The following SLC24A2 variants were observed in gnomAD, a reference collection of about 807,000 sequenced individuals.
SLC24A2 encodes sodium/potassium/calcium exchanger 2.
In SLC24A2, 36 loss-of-function variants were observed where a neutral mutation model predicts 62.0. The ratio of observed to expected loss-of-function variants is 0.58; its 90% CI spans 0.44 to 0.77. SLC24A2 has a LOEUF of 0.77. Among genes scored for constraint, SLC24A2 ranks in the 30% least tolerant of loss-of-function variants. The probability of loss-of-function intolerance (pLI) is 0.00; values close to 1 mark genes in which losing one functional copy is unlikely to be tolerated. For missense variants in SLC24A2, 846 were observed against 817.9 expected (o/e 1.03, Z -0.42); for synonymous variants, 358 against 294.0 (o/e 1.22, Z -2.23).
the SLC24A2 span, among the ~76,000 whole-genome samples, chr9:19,901,459 C>T: frequency 1.3e-5 from 2 of 152,046 alleles, no homozygotes; most frequent in Admixed American, 1.3e-4. Context: ...TTGGCAAAGA[C>T]CAGAAGACAG....
the SLC24A2 span, among the ~76,000 whole-genome samples, chr9:20,237,387 T>C: frequency 2.2e-4 from 34 of 152,208 alleles, no homozygotes; most frequent in Non-Finnish European, 4.3e-4. Context: ...CATGATTACT[T>C]AGCCAGAAGA....
the SLC24A2 span, among the ~76,000 whole-genome samples, chr9:20,163,421 C>A: frequency 6.6e-6 from 1 of 152,066 alleles, no homozygotes; most frequent in African/African-American, 2.4e-5. Flanking sequence ...ATCCAACTTA[C>A]AAGGGACGTG....
intron 8 of SLC24A2, among the ~76,000 whole-genome samples, chr9:19,535,567 A>G (rs1833923249): frequency 6.6e-6 from 1 of 152,202 alleles, no homozygotes; most frequent in Non-Finnish European, 1.5e-5. Flanking sequence ...AGTTTTCTGC[A>G]TGTGACTAGC....
intron 2 of SLC24A2, among the ~76,000 whole-genome samples, chr9:19,773,156 C>A (rs1304358307): frequency 1.3e-5 from 2 of 152,092 alleles, no homozygotes; most frequent in Non-Finnish European, 2.9e-5. Context: ...GGGGGCTGGG[C>A]AGAGGGAGGA....
chr9:19,793,643 T>C (rs191885536), upstream of SLC24A2, among the ~76,000 whole-genome samples: 41 of 152,352 alleles, frequency 2.7e-4, no homozygotes, highest in African/African-American at 9.9e-4. Flanking sequence ...TATCCACAGA[T>C]GAAGAAACTG....
Position 19,515,957 on chromosome 9 carries a change from T to C in SLC24A2, c.*196A>G, listed in dbSNP as rs1832904837. The C allele has an allele frequency of 2.9e-6, 2 of 685,640 alleles. No homozygotes were observed. The highest frequency in any genetic ancestry group is 4.5e-5 in the Admixed American group (2 of 44,270). The allele number at this position is 685,640 out of a possible 1,614,324, so 42.5% of individuals were successfully genotyped here. A position where few individuals can be genotyped will look rare whatever the true frequency, so the allele number is the denominator to read the frequency against. On this transcript the variant is annotated 3_prime_UTR_variant, in exon 11 of 11. Coordinates refer to ENST00000341998, the MANE Select transcript of SLC24A2 (RefSeq NM_020344.4). ...CTCTTTGTCTTTTACATGAAGTCAT[T>C]TCAGTAGGCAGGGTGGAAGCAGCCT...
chr9:19,765,739 C>T (rs1330339560), intron 2 of SLC24A2, among the ~76,000 whole-genome samples: 1 of 152,164 alleles, frequency 6.6e-6, no homozygotes, highest in African/African-American at 2.4e-5. Context: ...TTTTTTCCTT[C>T]ATTTCAATTT....
the SLC24A2 span, among the ~76,000 whole-genome samples, chr9:20,297,722 C>A: frequency 6.6e-6 from 1 of 152,190 alleles, no homozygotes; most frequent in Non-Finnish European, 1.5e-5. Context: ...CTTGAGGAGG[C>A]TGAGCACAGT....
chr9:19,948,643 G>C, the SLC24A2 span, among the ~76,000 whole-genome samples: 53 of 151,794 alleles, frequency 3.5e-4, no homozygotes, highest in African/African-American at 1.3e-3. Context: ...GGATCACGAG[G>C]TCAGGAGATC....
chr9:20,151,830 G>C, the SLC24A2 span, among the ~76,000 whole-genome samples: 2 of 151,418 alleles, frequency 1.3e-5, no homozygotes, highest in Non-Finnish European at 2.9e-5. Context: ...TCCCCTACTA[G>C]ATCCCCCAAA....
the SLC24A2 span, among the ~76,000 whole-genome samples, chr9:20,039,819 A>T: frequency 2.0e-5 from 3 of 152,202 alleles, no homozygotes; most frequent in Admixed American, 2.0e-4. Flanking sequence ...TAGGGAAGAG[A>T]TAGCAAGGAC....
At chr9:20,206,653 TG>T in the SLC24A2 span, among the ~76,000 whole-genome samples, 2 of 152,102 alleles carry the variant, frequency 1.3e-5, no homozygotes, top group East Asian at 3.8e-4. Flanking sequence ...AGCTAATTTT[TG>T]TATTTTTAGT....
chr9:20,139,126 G>GT, the SLC24A2 span, among the ~76,000 whole-genome samples: 7 of 152,220 alleles, frequency 4.6e-5, no homozygotes, highest in South Asian at 2.1e-4. Context: ...ATCTTTTTGG[G>GT]TTTTTTTGCC....
the SLC24A2 span, among the ~76,000 whole-genome samples, chr9:19,843,580 T>C: frequency 1.3e-5 from 2 of 152,174 alleles, no homozygotes; most frequent in Non-Finnish European, 2.9e-5. Context: ...TGTGTGGGTA[T>C]GTTGTGTGAT....
rs181234539 is a variant in SLC24A2, at chr9:19,741,686, A to G, written c.930+44251T>C. On this transcript the variant is annotated intron_variant, in intron 2 of 10. Coordinates refer to ENST00000341998, the MANE Select transcript of SLC24A2 (RefSeq NM_020344.4). ...TCATGTTAAGCATGCTCTGTTGAAG[A>G]TGTGAGTTCTGCCTCCAGAATGGGT... Among the ~76,000 whole-genome samples, 96 of 152,304 alleles carry G rather than the reference A, an allele frequency of 6.3e-4. 1 individual carries two copies. The highest frequency in any genetic ancestry group is 2.2e-3 in the African/African-American group (91 of 41,566).
the SLC24A2 span, among the ~76,000 whole-genome samples, chr9:20,306,607 T>C: frequency 2.0e-5 from 3 of 152,234 alleles, no homozygotes; most frequent in African/African-American, 4.8e-5. Context: ...CATCCACTAA[T>C]TGGGCAGGGC....
At chr9:19,752,862 T>C (rs1327407) in intron 2 of SLC24A2, among the ~76,000 whole-genome samples, 25,862 of 152,186 alleles carry the variant, frequency 0.17, 2,810 homozygotes, top group South Asian at 0.26. Context: ...AGATAATAAG[T>C]GGCCAAGCCA....
At chr9:19,731,784 C>T (rs866685737) in intron 2 of SLC24A2, among the ~76,000 whole-genome samples, 1 of 152,168 alleles carries the variant, frequency 6.6e-6, no homozygotes, top group Non-Finnish European at 1.5e-5. Flanking sequence ...AGGGTTGACA[C>T]CAAATAAATG....
intron 2 of SLC24A2, among the ~76,000 whole-genome samples, chr9:19,651,290 T>C (rs1406988072): frequency 1.3e-5 from 2 of 152,236 alleles, no homozygotes; most frequent in Non-Finnish European, 2.9e-5. Flanking sequence ...ATGTTACATA[T>C]ATTGCCTACT....
Sources: gnomAD v4.1 joint callset for allele counts (sites outside exome capture counted in the v4.1 genomes callset) on GRCh38, gnomAD v4.1.1 for gene constraint, MANE v1.5 for transcripts, NCBI Gene and HGNC (gene_info 2026-07-23, HGNC 2026-07-21) for gene names.